Variants in DPP6 observed in about 807,000 individuals in gnomAD.
The protein encoded by DPP6 is dipeptidyl peptidase like 6, also known as A-type potassium channel modulatory protein DPP6.
In DPP6, 69 loss-of-function variants were observed where a neutral mutation model predicts 122.6. The ratio of observed to expected loss-of-function variants is 0.56; its 90% CI spans 0.46 to 0.69. DPP6 has a LOEUF of 0.69. Ranked by LOEUF, DPP6 falls within the 30% of genes least tolerant of loss-of-function variation. DPP6 has a pLI of 0.00. For synonymous variants in DPP6, 418 were observed against 433.1 expected (o/e 0.97, Z 0.43); for missense variants, 928 against 1,116.9 (o/e 0.83, Z 2.41).
chr7:154,379,422 G>C (rs891132135), intron 1 of DPP6, among the ~76,000 whole-genome samples: 1 of 152,140 alleles, frequency 6.6e-6, no homozygotes, highest in Middle Eastern at 3.4e-3. Flanking sequence ...ATGAGTTGAT[G>C]GGTGCAGCAA....
chr7:153,928,688 C>T (rs566697590), intron 1 of DPP6, among the ~76,000 whole-genome samples: 1 of 151,978 alleles, frequency 6.6e-6, no homozygotes, highest in Non-Finnish European at 1.5e-5. Flanking sequence ...CCTGGAAGGC[C>T]CCACCTTTTA....
At chr7:154,307,336 A>T (rs1020786336) in intron 1 of DPP6, among the ~76,000 whole-genome samples, 1 of 152,142 alleles carries the variant, frequency 6.6e-6, no homozygotes, top group African/African-American at 2.4e-5. Context: ...GCTTAAACTG[A>T]TATAAAACTG....
intron 16 of DPP6, among the ~76,000 whole-genome samples, chr7:154,816,177 C>G (rs2150486287): frequency 6.6e-6 from 1 of 152,276 alleles, no homozygotes; most frequent in East Asian, 1.9e-4. Flanking sequence ...GGAGGAATAA[C>G]AGTATGGCAG....
At chr7:154,239,064 G>T (rs943735297) in intron 1 of DPP6, among the ~76,000 whole-genome samples, 1 of 152,214 alleles carries the variant, frequency 6.6e-6, no homozygotes, top group Non-Finnish European at 1.5e-5. Flanking sequence ...GCATGTGGAG[G>T]CGTAGCCAGC....
intron 1 of DPP6, among the ~76,000 whole-genome samples, chr7:153,969,715 T>C (rs1795936447): frequency 6.8e-6 from 1 of 147,560 alleles, no homozygotes; most frequent in Non-Finnish European, 1.5e-5. Flanking sequence ...TCATTCACAT[T>C]CTCTAATTTA....
intron 1 of DPP6, among the ~76,000 whole-genome samples, chr7:153,935,232 C>T (rs929828901): frequency 2.6e-5 from 4 of 151,450 alleles, no homozygotes; most frequent in Admixed American, 6.6e-5. Flanking sequence ...ACCAGTGTCC[C>T]GTGCATGCCA....
At chr7:154,596,111 C>T (rs1033759654) in intron 5 of DPP6, among the ~76,000 whole-genome samples, 1 of 152,210 alleles carries the variant, frequency 6.6e-6, no homozygotes, top group African/African-American at 2.4e-5. Context: ...AGGATTTGCA[C>T]TTTGGTGCAT....
At chr7:153,991,293 G>C (rs971112681) in intron 1 of DPP6, among the ~76,000 whole-genome samples, 5 of 152,150 alleles carry the variant, frequency 3.3e-5, no homozygotes, top group Non-Finnish European at 5.9e-5. Flanking sequence ...ATATCTTTTA[G>C]AGTGATCTTC....
At chr7:153,965,145 T>C (rs570097267) in intron 1 of DPP6, among the ~76,000 whole-genome samples, 2 of 152,032 alleles carry the variant, frequency 1.3e-5, no homozygotes, top group African/African-American at 2.4e-5. Flanking sequence ...CAGAGTTTCC[T>C]TGGTGTGTAA....
intron 1 of DPP6, among the ~76,000 whole-genome samples, chr7:154,234,549 G>A (rs931324631): frequency 6.6e-6 from 1 of 151,994 alleles, no homozygotes; most frequent in African/African-American, 2.4e-5. Flanking sequence ...TTGGACTTGA[G>A]GGGCTTAGAT....
intron 1 of DPP6, among the ~76,000 whole-genome samples, chr7:154,276,036 G>A (rs1040341684): frequency 3.3e-5 from 5 of 152,194 alleles, no homozygotes; most frequent in Admixed American, 1.3e-4. Flanking sequence ...ATTTAACCTA[G>A]CATAGCCGTC....
chr7:154,031,877 T>TGG (rs1368257614), intron 1 of DPP6, among the ~76,000 whole-genome samples: 9 of 87,080 alleles, frequency 1.0e-4, no homozygotes, highest in South Asian at 9.6e-4. Flanking sequence ...TTTTTTTTTT[T>TGG]GGGGGACGGG....
intron 1 of DPP6, among the ~76,000 whole-genome samples, chr7:154,243,578 G>A (rs916320975): frequency 3.6e-4 from 54 of 152,044 alleles, no homozygotes; most frequent in Non-Finnish European, 6.3e-4. Flanking sequence ...GGCAGATCAC[G>A]AGGTCAGGAG....
chr7:154,649,331 A>C (rs1836715893), intron 6 of DPP6, among the ~76,000 whole-genome samples: 1 of 152,240 alleles, frequency 6.6e-6, no homozygotes, highest in Admixed American at 6.5e-5. Context: ...TATGAATAAA[A>C]GTGCTGTGCA....
intron 1 of DPP6, among the ~76,000 whole-genome samples, chr7:154,347,520 A>T (rs1261863553): frequency 1.3e-5 from 2 of 152,240 alleles, no homozygotes; most frequent in African/African-American, 4.8e-5. Context: ...CTGACAGCTA[A>T]TTACCTGGAA....
chr7:154,001,071 C>T (rs112492166), intron 1 of DPP6, among the ~76,000 whole-genome samples: 19,737 of 151,908 alleles, frequency 0.13, 1,630 homozygotes, highest in African/African-American at 0.25. Context: ...CTCCTTCCAT[C>T]CCTGTCCTCC....
At chr7:153,876,425 C>T in the DPP6 span, among the ~76,000 whole-genome samples, 1,889 of 142,468 alleles carry the variant, frequency 0.013, 44 homozygotes, top group African/African-American at 0.042. Context: ...CACACACACA[C>T]ACAGTATCAC....
chr7:154,680,893 AC>A (rs1839240591), intron 7 of DPP6, among the ~76,000 whole-genome samples: 2 of 151,002 alleles, frequency 1.3e-5, no homozygotes, highest in Admixed American at 1.3e-4. Context: ...TCTGTTGCAA[AC>A]CCTTCAGAGA....
At chr7:154,521,291 C>T (rs373789815) in intron 3 of DPP6, among the ~76,000 whole-genome samples, 37 of 152,012 alleles carry the variant, frequency 2.4e-4, no homozygotes, top group African/African-American at 7.0e-4. Flanking sequence ...GCCTACTTAA[C>T]TCTATATTTT....
Sources: gnomAD v4.1 joint callset for allele counts (sites outside exome capture counted in the v4.1 genomes callset) on GRCh38, gnomAD v4.1.1 for gene constraint, MANE v1.5 for transcripts, NCBI Gene and HGNC (gene_info 2026-07-23, HGNC 2026-07-21) for gene names.